NRG3: variants seen among roughly 807,000 people sequenced by gnomAD.
NRG3 encodes the protein pro-neuregulin-3, membrane-bound isoform.
Under a neutral mutation model 66.9 loss-of-function variants are expected in NRG3, and 31 were observed. The observed-to-expected ratio is 0.46, with a 90% CI of 0.35 to 0.63. The LOEUF (loss-of-function observed/expected upper bound fraction) is 0.63, where lower values mean the gene tolerates loss of function less well. Among genes scored for constraint, NRG3 ranks in the 20% least tolerant of loss-of-function variants. NRG3 has a pLI of 0.00. For synonymous variants in NRG3, 393 were observed against 359.4 expected (o/e 1.09, Z -1.06); for missense variants, 910 against 878.9 (o/e 1.04, Z -0.45).
At chr10:82,791,869 A>T (rs1471662416) in intron 3 of NRG3, among the ~76,000 whole-genome samples, 1 of 152,190 alleles carries the variant, frequency 6.6e-6, no homozygotes, top group African/African-American at 2.4e-5. Context: ...GATAAAGTTT[A>T]AAAAAGTGAC....
intron 1 of NRG3, among the ~76,000 whole-genome samples, chr10:81,997,029 A>G (rs181865831): frequency 6.6e-6 from 1 of 152,298 alleles, no homozygotes; most frequent in African/African-American, 2.4e-5. Flanking sequence ...TAGCCAAGAT[A>G]AGGCTGCTTA....
chr10:82,307,996 C>G (rs2080835262), intron 1 of NRG3, among the ~76,000 whole-genome samples: 1 of 152,004 alleles, frequency 6.6e-6, no homozygotes, highest in Admixed American at 6.5e-5. Context: ...TGTGAGTGAT[C>G]TACATCAAAT....
chr10:81,943,477 C>T (rs923375725), intron 1 of NRG3, among the ~76,000 whole-genome samples: 1 of 152,214 alleles, frequency 6.6e-6, no homozygotes. Flanking sequence ...GAAATAATCT[C>T]TTCCAATTTC....
chr10:82,682,024 T>C (rs532514295), intron 2 of NRG3, among the ~76,000 whole-genome samples: 1 of 151,856 alleles, frequency 6.6e-6, no homozygotes, highest in African/African-American at 2.4e-5. Flanking sequence ...GAACAAGGGG[T>C]TTTAAAGGCA....
intron 2 of NRG3, among the ~76,000 whole-genome samples, chr10:82,669,403 A>C (rs1192754270): frequency 1.3e-5 from 2 of 152,076 alleles, no homozygotes; most frequent in African/African-American, 4.8e-5. Context: ...GGTTGGACAC[A>C]GAATAAATTT....
chr10:82,002,590 C>T (rs1031049704), intron 1 of NRG3, among the ~76,000 whole-genome samples: 1 of 152,162 alleles, frequency 6.6e-6, no homozygotes, highest in African/African-American at 2.4e-5. Flanking sequence ...TCCCAGTAAA[C>T]CTTCCTGAGG....
intron 2 of NRG3, among the ~76,000 whole-genome samples, chr10:82,456,908 A>G (rs1246481809): frequency 1.3e-5 from 2 of 152,078 alleles, no homozygotes; most frequent in African/African-American, 4.8e-5. Flanking sequence ...ATCCTTTTGC[A>G]GTTCTCCTCT....
intron 6 of NRG3, among the ~76,000 whole-genome samples, chr10:82,971,261 G>A (rs1851699845): frequency 6.6e-6 from 1 of 151,916 alleles, no homozygotes; most frequent in South Asian, 2.1e-4. Context: ...GAGATTCAAA[G>A]GGGACAAATA....
chr10:82,033,333 T>C (rs2062655490), intron 1 of NRG3, among the ~76,000 whole-genome samples: 1 of 152,156 alleles, frequency 6.6e-6, no homozygotes, highest in South Asian at 2.1e-4. Context: ...TCCCCTACAG[T>C]ACATTGTTCC....
chr10:82,001,025 A>G (rs567330979), intron 1 of NRG3, among the ~76,000 whole-genome samples: 41 of 152,294 alleles, frequency 2.7e-4, no homozygotes, highest in South Asian at 2.5e-3. Flanking sequence ...CGTGTTTTCA[A>G]CTGTTTCTTT....
At chr10:82,737,444 G>A (rs962872684) in intron 2 of NRG3, among the ~76,000 whole-genome samples, 3 of 152,122 alleles carry the variant, frequency 2.0e-5, no homozygotes, top group Admixed American at 6.5e-5. Flanking sequence ...AACTCACGAC[G>A]CATGGTTCCT....
chr10:82,061,405 C>T (rs1254028730), intron 1 of NRG3, among the ~76,000 whole-genome samples: 1 of 152,156 alleles, frequency 6.6e-6, no homozygotes, highest in East Asian at 1.9e-4. Flanking sequence ...GGTAGGGTGA[C>T]CCCCATTTAC....
intron 1 of NRG3, among the ~76,000 whole-genome samples, chr10:82,216,289 T>A (rs181499025): frequency 9.9e-5 from 15 of 152,048 alleles, no homozygotes; most frequent in East Asian, 7.7e-4. Flanking sequence ...CCTTTTTTTT[T>A]ATGTTTTCTA....
intron 1 of NRG3, among the ~76,000 whole-genome samples, chr10:82,356,773 A>G (rs1458620457): frequency 2.0e-5 from 3 of 152,370 alleles, no homozygotes; most frequent in African/African-American, 7.2e-5. Context: ...TAAAAAGTAT[A>G]CTAAAATGAT....
chr10:82,156,336 C>T (rs2071181898), intron 1 of NRG3, among the ~76,000 whole-genome samples: 1 of 151,166 alleles, frequency 6.6e-6, no homozygotes, highest in Non-Finnish European at 1.5e-5. Flanking sequence ...CAGCTTTGCT[C>T]CTTAACAACT....
intron 1 of NRG3, among the ~76,000 whole-genome samples, chr10:82,094,313 A>C (rs1265888864): frequency 6.6e-6 from 1 of 152,180 alleles, no homozygotes; most frequent in Non-Finnish European, 1.5e-5. Context: ...ACAGCATCAG[A>C]ATGACTATTA....
intron 2 of NRG3, among the ~76,000 whole-genome samples, chr10:82,553,124 A>G (rs965921366): frequency 2.0e-5 from 3 of 152,114 alleles, no homozygotes; most frequent in Non-Finnish European, 4.4e-5. Context: ...TGAATGTTGC[A>G]ATTCTAAAGA....
At chr10:82,035,662 T>TA (rs1236209402) in intron 1 of NRG3, among the ~76,000 whole-genome samples, 2 of 152,134 alleles carry the variant, frequency 1.3e-5, no homozygotes, top group African/African-American at 4.8e-5. Context: ...AAGGGATATA[T>TA]AAAAAATAGC....
intron 2 of NRG3, among the ~76,000 whole-genome samples, chr10:82,702,578 A>C (rs780750842): frequency 6.6e-6 from 1 of 152,152 alleles, no homozygotes; most frequent in Non-Finnish European, 1.5e-5. Context: ...TAGGGGTGAG[A>C]AGTTGGAGTG....
Sources: allele counts gnomAD v4.1 joint callset (sites outside exome capture counted in the v4.1 genomes callset), GRCh38; gene constraint gnomAD v4.1.1; transcripts MANE v1.5; gene names NCBI Gene and HGNC (gene_info 2026-07-23, HGNC 2026-07-21).